The following TTC28 variants were observed in gnomAD, a reference collection of about 807,000 sequenced individuals.
The protein encoded by TTC28 is tetratricopeptide repeat protein 28.
A neutral mutation model predicts 198.0 loss-of-function variants in TTC28; 61 were observed. That is an observed-to-expected ratio of 0.31 (90% confidence interval 0.25 to 0.38). TTC28 has a LOEUF of 0.38. Among genes scored for constraint, TTC28 ranks in the 10% least tolerant of loss-of-function variants. TTC28 has a pLI of 1.00. For missense variants in TTC28, 2,678 were observed against 3,164.0 expected (o/e 0.85, Z 3.69); for synonymous variants, 1,171 against 1,297.8 (o/e 0.90, Z 2.10).
At chr22:28,053,248 T>C (rs1297952201) in intron 12 of TTC28, among the ~76,000 whole-genome samples, 6 of 152,256 alleles carry the variant, frequency 3.9e-5, no homozygotes, top group African/African-American at 9.6e-5. Flanking sequence ...GGATGGCCTA[T>C]TGTCTCCCAC....
chr22:28,064,538 TTTTG>T lies in TTC28; in HGVS notation c.3932+29538_3932+29541del, dbSNP rs1360832091. On this transcript the variant is annotated intron_variant, in intron 12 of 22. Coordinates refer to ENST00000397906, the MANE Select transcript of TTC28 (RefSeq NM_001145418.2). ...CTCAAATGGGGATAATAATACCTGC[TTTTG>T]TTTATTTTCTATATAATAAAGGTAA... Among the ~76,000 whole-genome samples the T allele has an allele frequency of 4.6e-5, 7 of 152,266 alleles. No homozygotes were observed. In the South Asian group the frequency reaches 8.3e-4, roughly 18 times the overall value.
At chr22:28,584,048 C>T (rs1442732586) in intron 2 of TTC28, among the ~76,000 whole-genome samples, 24 of 140,428 alleles carry the variant, frequency 1.7e-4, no homozygotes, top group Non-Finnish European at 1.1e-4. Flanking sequence ...CAATCATAGA[C>T]AGCTGACTGC....
At chr22:28,297,543 T>C in intron 4 of TTC28, 37 bp downstream of exon 4, 1 of 1,532,224 alleles carries the variant, frequency 6.5e-7, no homozygotes, top group East Asian at 2.5e-5. Flanking sequence ...CTTTCTTTGT[T>C]CCCTTTCTGC....
rs1439873281 is a variant in TTC28 at position 28,166,472 on chromosome 22, C to CTG, written c.934-2875_934-2874dup. Among the ~76,000 whole-genome samples, 3 of 151,898 alleles carry CTG rather than the reference C, an allele frequency of 2.0e-5. No homozygotes were observed. In the East Asian group the frequency reaches 5.8e-4, roughly 29 times the overall value. On this transcript the variant is annotated intron_variant, in intron 5 of 22. Coordinates refer to ENST00000397906, the MANE Select transcript of TTC28 (RefSeq NM_001145418.2). ...AAAAGAACACAAATTATAACAAACT[C>CTG]TGTCAGATCACAGTGCAATCAAACT...
chr22:28,481,588 A>G (rs1326667822), intron 2 of TTC28, among the ~76,000 whole-genome samples: 1 of 152,228 alleles, frequency 6.6e-6, no homozygotes, highest in African/African-American at 2.4e-5. Flanking sequence ...CAATCATTGT[A>G]AAGCCCAACA....
At chr22:28,351,550 C>T (rs1169567679) in intron 2 of TTC28, among the ~76,000 whole-genome samples, 1 of 152,060 alleles carries the variant, frequency 6.6e-6, no homozygotes, top group East Asian at 1.9e-4. Flanking sequence ...CATCACGGAG[C>T]TTTTAAATTC....
At chr22:28,436,829 TCA>T (rs2047527779) in intron 2 of TTC28, among the ~76,000 whole-genome samples, 1 of 152,214 alleles carries the variant, frequency 6.6e-6, no homozygotes, top group Non-Finnish European at 1.5e-5. Flanking sequence ...CAGTCTAGCT[TCA>T]GAGTCCATCC....
At chr22:28,020,790 C>CACAT (rs1376101843) in intron 13 of TTC28, among the ~76,000 whole-genome samples, 1 of 151,944 alleles carries the variant, frequency 6.6e-6, no homozygotes, top group East Asian at 1.9e-4. Context: ...CACACACACA[C>CACAT]ACACACACAC....
At chr22:28,532,021 C>T (rs954695730) in intron 2 of TTC28, among the ~76,000 whole-genome samples, 6 of 152,086 alleles carry the variant, frequency 3.9e-5, no homozygotes, top group South Asian at 2.1e-4. Flanking sequence ...AGAGCAAACA[C>T]GTGCAAAAGC....
intron 2 of TTC28, among the ~76,000 whole-genome samples, chr22:28,615,294 G>A (rs1298935116): frequency 1.3e-5 from 2 of 152,156 alleles, no homozygotes; most frequent in African/African-American, 4.8e-5. Flanking sequence ...AAAAAGTCAG[G>A]AAACAACAGA....
At chr22:28,033,923 C>T (rs758723602) in intron 12 of TTC28, among the ~76,000 whole-genome samples, 10 of 152,086 alleles carry the variant, frequency 6.6e-5, no homozygotes, top group Non-Finnish European at 1.0e-4. Flanking sequence ...ACACTAATCT[C>T]TGCAACATGA....
intron 5 of TTC28, among the ~76,000 whole-genome samples, chr22:28,280,646 T>G (rs762005669): frequency 6.6e-6 from 1 of 152,202 alleles, no homozygotes; most frequent in Non-Finnish European, 1.5e-5. Context: ...CCAAGAAATC[T>G]TTTATATTTA....
At chr22:28,018,244 A>AGTGTGTGTGTGTGTGTGTGTGTGT (rs138612299) in intron 13 of TTC28, among the ~76,000 whole-genome samples, 40 of 114,974 alleles carry the variant, frequency 3.5e-4, no homozygotes, top group African/African-American at 1.2e-3. Flanking sequence ...GCTGCTATTC[A>AGTGTGTGTGTGTGTGTGTGTGTGT]GTGTGTGTGT....
intron 1 of TTC28, among the ~76,000 whole-genome samples, chr22:28,638,287 T>TA (rs895070876): frequency 1.3e-5 from 2 of 152,154 alleles, no homozygotes; most frequent in East Asian, 1.9e-4. Context: ...AAATGATATA[T>TA]AAAAAAACTT....
intron 12 of TTC28, among the ~76,000 whole-genome samples, chr22:28,071,748 GAA>G (rs371615737): frequency 0.015 from 1,339 of 91,132 alleles, 29 homozygotes; most frequent in African/African-American, 0.048. Flanking sequence ...AAAAAAAAAG[GAA>G]AAAAAAAAAA....
chr22:28,183,204 C>T (rs1176355967), intron 5 of TTC28, among the ~76,000 whole-genome samples: 1 of 152,036 alleles, frequency 6.6e-6, no homozygotes, highest in Non-Finnish European at 1.5e-5. Context: ...GGACTACAGA[C>T]ACACACCACT....
At position 28,096,225 on chromosome 22, in the gene TTC28, C is replaced by T. The variant is rs966488098; in HGVS notation, c.3731G>A (p.Gly1244Asp). 6 of 1,550,740 alleles carry T rather than the reference C, an allele frequency of 3.9e-6. No homozygotes were observed. The highest frequency in any genetic ancestry group is 2.7e-5 in the African/African-American group (2 of 72,994). Residue 1244 changes from glycine to aspartate, a missense_variant, in exon 11 of 23, where the codon GGC (glycine) becomes GAC (aspartate). Transcript: ENST00000397906. Reference protein sequence around the residue: ...GLVLYYSLAAGYLYSWLLAPG... With the variant: ...GLVLYYSLAADYLYSWLLAPG... ...AGCCAGCAGCCAGCTATACAGATAG[C>T]CTGCAGCCAGGGAATAGTAAAGCAC...
intron 21 of TTC28, among the ~76,000 whole-genome samples, 182 bp downstream of exon 21, chr22:27,989,696 C>T (rs549136225): frequency 6.6e-6 from 1 of 152,172 alleles, no homozygotes; most frequent in Non-Finnish European, 1.5e-5. Context: ...GTTCCTCCCC[C>T]TCAGCCTCCC....
chr22:28,118,330 C>A (rs975556877), intron 6 of TTC28, among the ~76,000 whole-genome samples: 1 of 151,408 alleles, frequency 6.6e-6, no homozygotes, highest in African/African-American at 2.4e-5. Context: ...ACCCAGGAGG[C>A]GGAGGTTGCA....
Sources: allele counts gnomAD v4.1 joint callset (sites outside exome capture counted in the v4.1 genomes callset), GRCh38; gene constraint gnomAD v4.1.1; transcripts MANE v1.5; gene names NCBI Gene and HGNC (gene_info 2026-07-23, HGNC 2026-07-21).